The following TYW5 variants were observed in gnomAD, a reference collection of about 807,000 sequenced individuals.
The protein encoded by TYW5 is tRNA wybutosine-synthesizing protein 5.
In TYW5, 36 loss-of-function variants were observed where a neutral mutation model predicts 44.4. The ratio of observed to expected loss-of-function variants is 0.81; its 90% CI spans 0.62 to 1.07. The LOEUF (loss-of-function observed/expected upper bound fraction) is 1.07, where lower values mean the gene tolerates loss of function less well. Among genes scored for constraint, TYW5 ranks in the 50% least tolerant of loss-of-function variants. TYW5 has a pLI of 0.00. For synonymous variants in TYW5, 121 were observed against 128.1 expected (o/e 0.94, Z 0.37); for missense variants, 354 against 365.7 (o/e 0.97, Z 0.26).
At chr2:199,952,287 T>C (rs1009279661) in intron 1 of TYW5, among the ~76,000 whole-genome samples, 3 of 152,204 alleles carry the variant, frequency 2.0e-5, no homozygotes, top group African/African-American at 7.2e-5. Flanking sequence ...TAGTTAGATA[T>C]GCCAACAGAG....
intron 1 of TYW5, among the ~76,000 whole-genome samples, chr2:199,952,479 TC>T (rs1553571094): frequency 1.1e-4 from 16 of 152,324 alleles, no homozygotes; most frequent in Admixed American, 2.6e-4. Context: ...TAATGTTTTT[TC>T]CCCCCTCAAT....
intron 5 of TYW5, among the ~76,000 whole-genome samples, chr2:199,938,103 C>T (rs545127640): frequency 1.0e-3 from 157 of 150,684 alleles, no homozygotes; most frequent in African/African-American, 3.7e-3. Context: ...CTCGTTCTGT[C>T]GCCCAGGCTG....
chr2:199,941,363 C>G (rs1025200098), intron 3 of TYW5, among the ~76,000 whole-genome samples: 3 of 152,128 alleles, frequency 2.0e-5, no homozygotes, highest in Non-Finnish European at 2.9e-5. Flanking sequence ...TTATCCTTCA[C>G]CAAGTAACTA....
chr2:199,933,623 G>A (rs895173176), intron 7 of TYW5, among the ~76,000 whole-genome samples: 1 of 151,944 alleles, frequency 6.6e-6, no homozygotes, highest in South Asian at 2.1e-4. Context: ...TCTAATCTAG[G>A]GCTGTGTTTT....
chr2:199,949,650 T>C (rs1008027828), intron 1 of TYW5, among the ~76,000 whole-genome samples: 4 of 152,208 alleles, frequency 2.6e-5, no homozygotes, highest in African/African-American at 9.6e-5. Context: ...AGTTTCTTCA[T>C]AATTAGACTC....
chr2:199,950,236 C>T (rs189654441), intron 1 of TYW5, among the ~76,000 whole-genome samples: 1 of 152,098 alleles, frequency 6.6e-6, no homozygotes, highest in Non-Finnish European at 1.5e-5. Flanking sequence ...AACAGGTGTA[C>T]GTATGAACCA....
intron 6 of TYW5, 107 bp downstream of exon 6, chr2:199,936,298 A>G (rs1483793152): frequency 1.1e-6 from 1 of 947,326 alleles, no homozygotes; most frequent in African/African-American, 1.7e-5. Context: ...CACAAATACA[A>G]TTAGGATTAA....
intron 2 of TYW5, 169 bp from the exon 3 acceptor site, chr2:199,944,003 T>C (rs2077485878): frequency 1.9e-6 from 1 of 517,942 alleles, no homozygotes; most frequent in Non-Finnish European, 3.4e-6. Flanking sequence ...TCAAAACTTA[T>C]TGAGCAGTAT....
At chr2:199,945,609 C>T (rs1437346560) in intron 2 of TYW5, 2 of 152,230 alleles carry the variant, frequency 1.3e-5, no homozygotes, top group Non-Finnish European at 2.9e-5. Flanking sequence ...TTCTTCAAAG[C>T]ATCTTTGAAG....
intron 2 of TYW5, chr2:199,945,962 G>A (rs2077500875): frequency 6.6e-6 from 1 of 152,158 alleles, no homozygotes; most frequent in Non-Finnish European, 1.5e-5. Flanking sequence ...TTATTAAAGG[G>A]CCATTTGTCT....
chr2:199,947,151 A>T (rs964504249), intron 2 of TYW5: 1 of 152,222 alleles, frequency 6.6e-6, no homozygotes, highest in Non-Finnish European at 1.5e-5. Flanking sequence ...TTAAAAACTG[A>T]GGAATGCTTT....
At chr2:199,945,216 TTACAAC>T (rs2105704975) in intron 2 of TYW5, 1 of 152,320 alleles carries the variant, frequency 6.6e-6, no homozygotes, top group East Asian at 1.9e-4. Flanking sequence ...TCTCATTCCC[TTACAAC>T]TAAGCTGTAA....
chr2:199,947,051 A>G (rs1164199853), intron 2 of TYW5: 1 of 152,230 alleles, frequency 6.6e-6, no homozygotes, highest in Non-Finnish European at 1.5e-5. Context: ...TAAAAAATGA[A>G]AAGTTCCTAC....
rs751017113 is a variant in TYW5, at chr2:199,936,501, C to T, written c.487-9G>A. ...AACAAATTATCCATTACCTGAAGAC[C>T]AATAAAAGCTTATGGGTAATCATTA... On this transcript the variant is annotated splice_polypyrimidine_tract_variant and intron_variant, in intron 5 of 7. Coordinates refer to ENST00000354611, the MANE Select transcript of TYW5 (RefSeq NM_001039693.3). 1 of 1,606,984 alleles carries T rather than the reference C, an allele frequency of 6.2e-7. No homozygotes were observed. The highest frequency in any genetic ancestry group is 2.2e-5 in the East Asian group (1 of 44,702).
chr2:199,940,251 T>G (rs2077453307), intron 3 of TYW5, 118 bp from the exon 4 acceptor site: 1 of 892,278 alleles, frequency 1.1e-6, no homozygotes, highest in Admixed American at 2.6e-5. Flanking sequence ...AAAAGAATTA[T>G]GTACTGAGAA....
intron 7 of TYW5, among the ~76,000 whole-genome samples, chr2:199,933,573 A>T (rs1393218376): frequency 1.3e-5 from 2 of 152,286 alleles, no homozygotes; most frequent in East Asian, 3.9e-4. Context: ...TTTCCTTTAA[A>T]CTTGAAAGAC....
rs148237981 is a variant in TYW5, at chr2:199,933,033, A to G, written c.*34T>C. On this transcript the variant is annotated 3_prime_UTR_variant, in exon 8 of 8. Coordinates refer to ENST00000354611, the MANE Select transcript of TYW5 (RefSeq NM_001039693.3). ...TTAATTTATATCGTTATACCTTACT[A>G]AAGTGTTAATGTGCATTGCATTCAC... is the stretch of plus-strand genomic sequence containing the variant. 9.2e-5 allele frequency: 147 copies of G among 1,601,822 alleles called. No homozygotes were observed. The African/African-American group carries it at 1.5e-3, about 17-fold the overall frequency.
chr2:199,954,720 C>G (rs2077580158), intron 1 of TYW5, among the ~76,000 whole-genome samples: 1 of 152,144 alleles, frequency 6.6e-6, no homozygotes, highest in Non-Finnish European at 1.5e-5. Context: ...CCACCGCGCC[C>G]GGCCCCAGAA....
intron 1 of TYW5, among the ~76,000 whole-genome samples, chr2:199,953,889 A>ATTTGTATT (rs1559309466): frequency 6.6e-6 from 1 of 152,166 alleles, no homozygotes; most frequent in Non-Finnish European, 1.5e-5. Flanking sequence ...ACCTTTTGCT[A>ATTTGTATT]TGACTCTTAC....
Sources: gnomAD v4.1 joint callset for allele counts (sites outside exome capture counted in the v4.1 genomes callset) on GRCh38, gnomAD v4.1.1 for gene constraint, MANE v1.5 for transcripts, NCBI Gene and HGNC (gene_info 2026-07-23, HGNC 2026-07-21) for gene names.